MCF2L2: variants seen among roughly 807,000 people sequenced by gnomAD.
MCF2L2 encodes probable guanine nucleotide exchange factor MCF2L2.
A neutral mutation model predicts 150.2 loss-of-function variants in MCF2L2; 102 were observed. The ratio of observed to expected loss-of-function variants is 0.68; its 90% CI spans 0.58 to 0.80. MCF2L2 has a LOEUF of 0.80. Ranked by LOEUF, MCF2L2 falls within the 30% of genes least tolerant of loss-of-function variation. The pLI is 0.00. For missense variants in MCF2L2, 1,256 were observed against 1,372.8 expected, an observed-to-expected ratio of 0.91 and a Z score of 1.34; for synonymous variants, 465 against 491.3, an observed-to-expected ratio of 0.95 and a Z score of 0.71.
At chr3:183,291,577 T>G (rs1215074143) in intron 13 of MCF2L2, among the ~76,000 whole-genome samples, 5 of 152,222 alleles carry the variant, frequency 3.3e-5, no homozygotes, top group Admixed American at 6.5e-5. Flanking sequence ...AAATTCCAGC[T>G]CTTAAGCCCC....
chr3:183,296,335 CT>C (rs1212301563), intron 12 of MCF2L2: 1 of 152,796 alleles, frequency 6.5e-6, no homozygotes, highest in Admixed American at 6.5e-5. Flanking sequence ...CCTACCTTGC[CT>C]GCCTCTCTCT....
chr3:183,272,848 G>A, intron 15 of MCF2L2: 1 of 1,252,150 alleles, frequency 8.0e-7, no homozygotes, highest in Non-Finnish European at 1.0e-6. Flanking sequence ...AAGTGTCTCT[G>A]GCCATCAAAG....
chr3:183,297,773 C>G (rs1728612019), intron 11 of MCF2L2: 1 of 153,782 alleles, frequency 6.5e-6, no homozygotes, highest in Non-Finnish European at 1.4e-5. Context: ...GCAATCCTCC[C>G]ACCTCGGCCT....
chr3:183,380,537 G>A (rs960356264), intron 2 of MCF2L2, among the ~76,000 whole-genome samples: 8 of 152,138 alleles, frequency 5.3e-5, no homozygotes, highest in African/African-American at 7.2e-5. Flanking sequence ...GAGTAGCTGG[G>A]ATTACAGGCG....
intron 14 of MCF2L2, among the ~76,000 whole-genome samples, chr3:183,286,934 T>G (rs1447206788): frequency 1.3e-5 from 2 of 152,248 alleles, no homozygotes; most frequent in Non-Finnish European, 2.9e-5. Context: ...CATGGACTTG[T>G]GCTTGTTTAA....
chr3:183,428,196 A>C lies in MCF2L2; in HGVS notation c.-219T>G. 1.9e-6 allele frequency: 1 copy of C among 524,024 alleles called. No individual in the cohort carries two copies. Among genetic ancestry groups the C allele is most frequent in the East Asian group, 3.5e-5 (1 of 28,484 alleles). The allele number at this position is 524,024 out of a possible 1,614,324, so 32.5% of individuals were successfully genotyped here. On this transcript the variant is annotated 5_prime_UTR_variant, in exon 1 of 30. Coordinates refer to ENST00000328913, the MANE Select transcript of MCF2L2 (RefSeq NM_015078.4). The surrounding 1 kb of genome is among the most constrained non-coding windows in gnomAD (Gnocchi z 5.1). ...GACAGACCAAGTCTGGCGCTTTCCC[A>C]GCGTCGCAGCTGGACCGAGAGAGGA...
chr3:183,408,668 G>C (rs1715168568), intron 1 of MCF2L2, among the ~76,000 whole-genome samples: 1 of 152,202 alleles, frequency 6.6e-6, no homozygotes, highest in African/African-American at 2.4e-5. Context: ...TAGCTTCCCA[G>C]GGTATTGAAA....
chr3:183,361,208 A>G (rs1239026116), intron 3 of MCF2L2, among the ~76,000 whole-genome samples: 2 of 152,086 alleles, frequency 1.3e-5, no homozygotes, highest in Non-Finnish European at 2.9e-5. Context: ...AATGTACAAT[A>G]ACCTTTTAAT....
At chr3:183,381,216 T>G (rs1713506409) in intron 2 of MCF2L2, among the ~76,000 whole-genome samples, 1 of 152,236 alleles carries the variant, frequency 6.6e-6, no homozygotes, top group Non-Finnish European at 1.5e-5. Flanking sequence ...TCAACATATC[T>G]GAGACACACA....
intron 2 of MCF2L2, among the ~76,000 whole-genome samples, chr3:183,389,389 T>C (rs1714016245): frequency 1.3e-5 from 2 of 152,230 alleles, no homozygotes; most frequent in South Asian, 4.1e-4. Flanking sequence ...AAGAACATCA[T>C]GGTGGCAGCT....
intron 3 of MCF2L2, chr3:183,375,488 T>C (rs560897755): frequency 3.9e-5 from 6 of 152,204 alleles, no homozygotes; most frequent in African/African-American, 1.4e-4. Flanking sequence ...TCACAAAAGA[T>C]ATTGATAACA....
intron 14 of MCF2L2, among the ~76,000 whole-genome samples, chr3:183,279,421 A>G (rs1727351285): frequency 6.6e-6 from 1 of 152,208 alleles, no homozygotes. Context: ...AATTGCTGCC[A>G]TATTTCTTAG....
chr3:183,379,082 C>T (rs4859115), intron 3 of MCF2L2: 44,072 of 510,830 alleles, frequency 0.086, 2,350 homozygotes, highest in African/African-American at 0.18. Flanking sequence ...CCTGTGTGCA[C>T]AAGAGAGTCA....
intron 7 of MCF2L2, among the ~76,000 whole-genome samples, chr3:183,315,457 T>C (rs1729565755): frequency 6.6e-6 from 1 of 152,242 alleles, no homozygotes; most frequent in Non-Finnish European, 1.5e-5. Flanking sequence ...GCCAATTAAA[T>C]GGAACCTTCT....
chr3:183,194,641 C>G (rs1454633450), intron 26 of MCF2L2, among the ~76,000 whole-genome samples: 1 of 152,156 alleles, frequency 6.6e-6, no homozygotes, highest in Non-Finnish European at 1.5e-5. Flanking sequence ...GCAGATCTAC[C>G]TCAACTGGCA....
At chr3:183,189,401 G>A (rs1053846172) in intron 27 of MCF2L2, among the ~76,000 whole-genome samples, 3 of 152,210 alleles carry the variant, frequency 2.0e-5, no homozygotes, top group Admixed American at 1.3e-4. Flanking sequence ...ATTCTGAAAG[G>A]GTTCAGGAAG....
At chr3:183,212,961 G>T (rs1376324452) in intron 22 of MCF2L2, among the ~76,000 whole-genome samples, 2 of 128,536 alleles carry the variant, frequency 1.6e-5, no homozygotes, top group African/African-American at 5.6e-5. Flanking sequence ...GGGGGTGGGG[G>T]GGGTGGGGGG....
intron 15 of MCF2L2, among the ~76,000 whole-genome samples, chr3:183,245,251 T>C (rs1325974171): frequency 1.3e-5 from 2 of 152,154 alleles, no homozygotes; most frequent in East Asian, 1.9e-4. Flanking sequence ...GAGTGCCACA[T>C]AGAAACAGAA....
chr3:183,274,965 G>GT (rs763718357), intron 15 of MCF2L2, among the ~76,000 whole-genome samples: 4,069 of 143,236 alleles, frequency 0.028, 67 homozygotes, highest in Non-Finnish European at 0.038. Context: ...CTATAGCTTG[G>GT]TTTTTTTTTT....
Sources: gnomAD v4.1 joint callset for allele counts (sites outside exome capture counted in the v4.1 genomes callset) on GRCh38, gnomAD v4.1.1 for gene constraint, Gnocchi (gnomAD v3.1) non-coding constraint, MANE v1.5 for transcripts, NCBI Gene and HGNC (gene_info 2026-07-23, HGNC 2026-07-21) for gene names.